The following NKAIN4 variants were observed in gnomAD, a reference collection of about 807,000 sequenced individuals.
NKAIN4 encodes the protein sodium/potassium-transporting ATPase subunit beta-1-interacting protein 4.
In NKAIN4, 28 loss-of-function variants were observed where a neutral mutation model predicts 28.8. That is an observed-to-expected ratio of 0.97 (90% CI 0.72 to 1.33). The LOEUF (loss-of-function observed/expected upper bound fraction) is 1.33, where lower values mean the gene tolerates loss of function less well. NKAIN4 is among the 40% of genes most tolerant of loss of function. NKAIN4 has a pLI of 0.00. For missense variants in NKAIN4, 289 were observed against 277.2 expected (o/e 1.04, Z -0.30); for synonymous variants, 122 against 115.6 (o/e 1.06, Z -0.36).
chr20:63,250,008 T>C lies in NKAIN4; in HGVS notation c.119A>G (p.Asn40Ser). 3 of 1,611,556 alleles carry C rather than the reference T, an allele frequency of 1.9e-6. No individual in the cohort carries two copies. Among genetic ancestry groups the C allele is most frequent in the Non-Finnish European group, 2.5e-6 (3 of 1,179,166 alleles). ...LGYQWAPILA[N>S]FVHIIIVILG... ...GATGACGATGATGATGTGGACAAAG[T>C]TGGCCAGGATGGGCGCCCACTGGTA... Residue 40 changes from asparagine (N) to serine (S), a missense_variant, in exon 2 of 7, where the codon AAC (asparagine) becomes AGC (serine). Coordinates refer to ENST00000370316, the MANE Select transcript of NKAIN4 (RefSeq NM_152864.4).
In NKAIN4 at chr20:63,252,007, G is replaced by A. The variant is rs2066968836; in HGVS notation, c.55-1935C>T. Among the ~76,000 whole-genome samples, 2 of 152,178 alleles carry A rather than the reference G, an allele frequency of 1.3e-5. No individual in the cohort carries two copies. The highest frequency in any genetic ancestry group is 4.8e-5 in the African/African-American group (2 of 41,446). On this transcript the variant is annotated intron_variant, in intron 1 of 6. Transcript: ENST00000370316. The surrounding 1 kb of genome is among the most constrained non-coding windows in gnomAD (Gnocchi z 4.6). Reference sequence around the variant, plus strand: ...TCTTGCCCTGGCCCACTTTGCCTACGCCGGGCACAGTTCTGTGAGGTCTGG... The same window carrying A: ...TCTTGCCCTGGCCCACTTTGCCTACACCGGGCACAGTTCTGTGAGGTCTGG...
chr20:63,253,737 A>T (rs1041693944), intron 1 of NKAIN4, among the ~76,000 whole-genome samples: 1 of 152,002 alleles, frequency 6.6e-6, no homozygotes, highest in Admixed American at 6.5e-5. Flanking sequence ...TGGCCGAGGG[A>T]GCCCCGACCA....
At chr20:63,244,619 T>C (rs2066822778) in intron 4 of NKAIN4, 3 of 456,126 alleles carry the variant, frequency 6.6e-6, no homozygotes, top group African/African-American at 6.0e-5. Flanking sequence ...CGGGCAGAGT[T>C]GGGGGCTGGC....
intron 2 of NKAIN4, 101 bp downstream of exon 2, chr20:63,249,834 C>A: frequency 7.8e-7 from 1 of 1,280,684 alleles, no homozygotes; most frequent in African/African-American, 1.5e-5. Flanking sequence ...GTGGGGTGTT[C>A]AGTGGTGTCC....
intron 5 of NKAIN4, 139 bp from the exon 6 acceptor site, chr20:63,242,762 C>T (rs932064391): frequency 1.7e-5 from 7 of 412,132 alleles, no homozygotes; most frequent in Non-Finnish European, 2.7e-5. Flanking sequence ...GACATGACAG[C>T]AGAGGGAACA....
At chr20:63,253,297 G>A in intron 1 of NKAIN4, 1 of 985,260 alleles carries the variant, frequency 1.0e-6, no homozygotes, top group African/African-American at 1.7e-5. Context: ...TATCTCCGCG[G>A]CCCCAGCGAG....
At chr20:63,241,928 CA>C (rs1386776475) in intron 6 of NKAIN4, among the ~76,000 whole-genome samples, 1 of 152,058 alleles carries the variant, frequency 6.6e-6, no homozygotes, top group African/African-American at 2.4e-5. Context: ...AGAGAAGAGC[CA>C]GGGGCTACCC....
At chr20:63,250,602 C>T (rs1195474580) in intron 1 of NKAIN4, among the ~76,000 whole-genome samples, 1 of 133,668 alleles carries the variant, frequency 7.5e-6, no homozygotes, top group African/African-American at 2.5e-5. Context: ...GGTGAGGCTG[C>T]TCTCTGGCAG....
intron 6 of NKAIN4, 137 bp downstream of exon 6, chr20:63,242,400 TGA>T: frequency 1.4e-6 from 1 of 709,410 alleles, no homozygotes; most frequent in Non-Finnish European, 2.5e-6. Context: ...GTTAGAAAAG[TGA>T]GAGTGGATGG....
chr20:63,242,737 A>T, intron 5 of NKAIN4, 114 bp from the exon 6 acceptor site: 2 of 476,388 alleles, frequency 4.2e-6, no homozygotes. Context: ...GGGCACAGAC[A>T]GTGCCCAAAG....
intron 1 of NKAIN4, among the ~76,000 whole-genome samples, chr20:63,251,925 T>A (rs2066967255): frequency 3.3e-5 from 5 of 152,154 alleles, no homozygotes; most frequent in Admixed American, 2.0e-4. Context: ...CGAGGAGGGA[T>A]GTCTGCCCTG....
rs1029577882 is a variant in NKAIN4, at chr20:63,241,319, C to T, written c.*178G>A. The T allele has an allele frequency of 1.7e-5, 10 of 604,466 alleles. No homozygotes were observed. The highest frequency in any genetic ancestry group is 4.0e-4 in the Middle Eastern group (1 of 2,490). 37.4% of individuals were successfully genotyped at this position (604,466 alleles called of 1,614,324 possible). A position where few individuals can be genotyped will look rare whatever the true frequency, so the allele number is the denominator to read the frequency against. ...AAACTCTCTTGACGCTGCAGCCAGC[C>T]GTGGCACTGCCCTGCCGCCCTGGCT... is the stretch of plus-strand genomic sequence containing the variant. On this transcript the variant is annotated 3_prime_UTR_variant, in exon 7 of 7. Transcript: ENST00000370316.
chr20:63,248,578 C>T (rs760639121), intron 3 of NKAIN4: 43 of 487,728 alleles, frequency 8.8e-5, no homozygotes, highest in Non-Finnish European at 1.5e-4. Context: ...GGAGCCCCCT[C>T]GCCTGCCAAT....
At chr20:63,250,270 T>C (rs1406095410) in intron 1 of NKAIN4, among the ~76,000 whole-genome samples, 198 bp from the exon 2 acceptor site, 1 of 151,992 alleles carries the variant, frequency 6.6e-6, no homozygotes, top group Admixed American at 6.5e-5. Flanking sequence ...GAGCATCTAC[T>C]GTGTGCTTGG....
intron 4 of NKAIN4, chr20:63,244,367 C>A: frequency 1.9e-6 from 1 of 533,592 alleles, no homozygotes; most frequent in Admixed American, 2.3e-5. Flanking sequence ...ATGAGCAGGT[C>A]AGCCTGAGTG....
rs1318227690 is a variant in NKAIN4 at position 63,247,734 on chromosome 20, G to A, written c.315C>T (p.Ser105=). 1 of 1,492,076 alleles carries A rather than the reference G, an allele frequency of 6.7e-7. No individual in the cohort carries two copies. Among genetic ancestry groups the A allele is most frequent in the Non-Finnish European group, 9.0e-7 (1 of 1,117,028 alleles). The allele number at this position is 1,492,076 out of a possible 1,614,324, so 92.4% of individuals were successfully genotyped here. A position where few individuals can be genotyped will look rare whatever the true frequency, so the allele number is the denominator to read the frequency against. ...LLTFSLSRHR[S]WWRERWPGCL... is the part of the protein sequence containing the mutation. ...AGCCTGGCCAGCGCTCACGCCACCAGGAGCGATGCCGGGAGAGGCTGAAGG... is the reference window on the plus strand; with the variant it reads ...AGCCTGGCCAGCGCTCACGCCACCAAGAGCGATGCCGGGAGAGGCTGAAGG... The change falls in exon 4 of 7, where the codon TCC becomes TCT. Residue 105 remains serine (S), a synonymous_variant. Coordinates refer to ENST00000370316, the MANE Select transcript of NKAIN4 (RefSeq NM_152864.4).
intron 5 of NKAIN4, 92 bp downstream of exon 5, chr20:63,243,932 G>A: frequency 9.4e-7 from 1 of 1,066,532 alleles, no homozygotes; most frequent in Non-Finnish European, 1.4e-6. Flanking sequence ...CAAGTGGGGA[G>A]GTCTCTCGCC....
intron 5 of NKAIN4, chr20:63,243,750 G>T (rs6011696): frequency 0.015 from 5,369 of 351,246 alleles, 249 homozygotes; most frequent in African/African-American, 0.1. Flanking sequence ...TGGCCACTGC[G>T]GGGATCATGA....
At chr20:63,254,341 C>T (rs957443988) in intron 1 of NKAIN4, 56 bp downstream of exon 1, 16 of 1,350,906 alleles carry the variant, frequency 1.2e-5, no homozygotes, top group Admixed American at 9.1e-5. Flanking sequence ...ACCCCACAGC[C>T]GCCGTGGGTC....
Sources: gnomAD v4.1 joint callset for allele counts (sites outside exome capture counted in the v4.1 genomes callset) on GRCh38, gnomAD v4.1.1 for gene constraint, Gnocchi (gnomAD v3.1) non-coding constraint, MANE v1.5 for transcripts, NCBI Gene and HGNC (gene_info 2026-07-23, HGNC 2026-07-21) for gene names.